The following PCDHGB3 variants were observed in gnomAD, a reference collection of about 807,000 sequenced individuals.
PCDHGB3 encodes the protein protocadherin gamma subfamily B, 3.
In PCDHGB3, 40 loss-of-function variants were observed where a neutral mutation model predicts 59.2. The observed-to-expected ratio is 0.68, with a 90% CI of 0.52 to 0.88. PCDHGB3 has a LOEUF of 0.88. PCDHGB3 is among the 40% of genes least tolerant of loss of function. The probability of loss-of-function intolerance (pLI) is 0.00; values close to 1 mark genes in which losing one functional copy is unlikely to be tolerated. For missense variants in PCDHGB3, 1,309 were observed against 1,187.9 expected (o/e 1.10, Z -1.50); for synonymous variants, 581 against 503.6 (o/e 1.15, Z -2.06).
chr5:141,415,602 A>G (rs1208876851), intron 1 of PCDHGB3: 2 of 1,613,602 alleles, frequency 1.2e-6, no homozygotes, highest in African/African-American at 2.7e-5. Flanking sequence ...AGGATACCCC[A>G]TTGGTTCCAG....
rs1419985074 is a variant in PCDHGB3, at chr5:141,431,009, T to C, written c.2415+58200T>C. On this transcript the variant is annotated intron_variant, in intron 1 of 3. Transcript: ENST00000576222. The surrounding 1 kb of genome is among the most constrained non-coding windows in gnomAD (Gnocchi z 4.8). ...CGCCCTGAATCCGCGCAGCGGCAGC[T>C]TGGTCACGGCGGGCAGGATAGACCG... The C allele has an allele frequency of 3.7e-6, 6 of 1,613,884 alleles. No individual in the cohort carries two copies. Among genetic ancestry groups the C allele is most frequent in the Non-Finnish European group, 5.1e-6 (6 of 1,179,984 alleles).
intron 1 of PCDHGB3, among the ~76,000 whole-genome samples, chr5:141,464,397 C>T (rs1352852782): frequency 1.3e-5 from 2 of 150,158 alleles, no homozygotes; most frequent in Non-Finnish European, 3.0e-5. Context: ...TAATGAAGAA[C>T]CTGAGATATA....
In PCDHGB3 at chr5:141,370,260, C is replaced by T. The variant is rs2149959480; in HGVS notation, c.-135C>T. On this transcript the variant is annotated 5_prime_UTR_variant, in exon 1 of 4. Transcript: ENST00000576222. Reference sequence around the variant, plus strand: ...GAAAAGTGCACTCTCTATCAGGCTTCCTGCAGCGGAGACACCCATTAGAGA... The same window carrying T: ...GAAAAGTGCACTCTCTATCAGGCTTTCTGCAGCGGAGACACCCATTAGAGA... 1.4e-6 allele frequency: 1 copy of T among 735,774 alleles called. No homozygotes were observed. Among genetic ancestry groups the T allele is most frequent in the Non-Finnish European group, 2.1e-6 (1 of 468,510 alleles). The allele number at this position is 735,774 out of a possible 1,614,324, so 45.6% of individuals were successfully genotyped here.
Position 141,431,297 on chromosome 5 carries a change from C to G in PCDHGB3, c.2415+58488C>G. Reference sequence around the variant, plus strand: ...GCTCAGCCCGAACACTCACTTCTCCCTCATCGTGCAAAATGGAGCCGACGG... The same window carrying G: ...GCTCAGCCCGAACACTCACTTCTCCGTCATCGTGCAAAATGGAGCCGACGG... On this transcript the variant is annotated intron_variant, in intron 1 of 3. Transcript: ENST00000576222. The surrounding 1 kb of genome is among the most constrained non-coding windows in gnomAD (Gnocchi z 4.8). The G allele has an allele frequency of 6.2e-7, 1 of 1,614,126 alleles. No individual in the cohort carries two copies. The highest frequency in any genetic ancestry group is 8.5e-7 in the Non-Finnish European group (1 of 1,180,036).
chr5:141,374,196 A>T, intron 1 of PCDHGB3: 1 of 1,613,838 alleles, frequency 6.2e-7, no homozygotes, highest in Non-Finnish European at 8.5e-7. Flanking sequence ...ATTCCCGAGG[A>T]GCTGGAGAAA....
At chr5:141,393,167 G>C (rs889451396) in intron 1 of PCDHGB3, 17 of 1,613,166 alleles carry the variant, frequency 1.1e-5, no homozygotes, top group East Asian at 2.2e-5. Context: ...AACTCTTTGG[G>C]GTAGAAATAG....
chr5:141,409,238 G>A (rs2095245468), intron 1 of PCDHGB3: 1 of 1,614,002 alleles, frequency 6.2e-7, no homozygotes, highest in Non-Finnish European at 8.5e-7. Flanking sequence ...CAACAGCCCA[G>A]AAATAATCAT....
chr5:141,429,426 G>C (rs992784469), intron 1 of PCDHGB3, among the ~76,000 whole-genome samples: 3 of 151,724 alleles, frequency 2.0e-5, no homozygotes, highest in African/African-American at 4.8e-5. Context: ...TGTTGCCCAG[G>C]CTGGACTCAA....
intron 1 of PCDHGB3, among the ~76,000 whole-genome samples, chr5:141,480,290 C>T (rs1053173416): frequency 2.2e-5 from 3 of 134,088 alleles, no homozygotes; most frequent in Non-Finnish European, 4.7e-5. Flanking sequence ...TGGCATGCAC[C>T]TGTGGTACCA....
chr5:141,375,952 G>A (rs1032808913), intron 1 of PCDHGB3: 2 of 1,613,396 alleles, frequency 1.2e-6, no homozygotes, highest in Non-Finnish European at 1.7e-6. Context: ...GCCTGCACAC[G>A]GGCGAGGTGC....
intron 1 of PCDHGB3, chr5:141,429,110 T>A (rs2097186231): frequency 6.6e-6 from 1 of 151,978 alleles, no homozygotes; most frequent in Non-Finnish European, 1.5e-5. Context: ...CGCCTCGGCC[T>A]CCCAAAGTGC....
rs1173375966 is a variant in PCDHGB3, at chr5:141,511,162, GAGA to G, written c.2785_2787del (p.Lys929del). 16 of 1,614,044 alleles carry G rather than the reference GAGA, an allele frequency of 9.9e-6. No individual in the cohort carries two copies. The highest frequency in any genetic ancestry group is 5.5e-5 in the South Asian group (5 of 91,078). On this transcript the variant is annotated inframe_deletion, in exon 4 of 4. Transcript: ENST00000576222. The stretch of plus-strand genomic sequence containing the variant: ...CAACAAGAAGAAGTCGGGCAAGAAG[GAGA>G]AGAAGTAACATGGAGGCCAGGCCAA...
At chr5:141,467,110 T>C (rs2099137137) in intron 1 of PCDHGB3, among the ~76,000 whole-genome samples, 1 of 151,604 alleles carries the variant, frequency 6.6e-6, no homozygotes, top group Non-Finnish European at 1.5e-5. Context: ...TGGAGTACAA[T>C]GGTGCAATCT....
In PCDHGB3 at chr5:141,432,373, G is replaced by T; in HGVS notation, c.2415+59564G>T. ...TGAAAGTGATGGCGCGGGACAACGG[G>T]CACCCGCCCCTCAGCAGCAACGTGT... is the stretch of plus-strand genomic sequence containing the variant. On this transcript the variant is annotated intron_variant, in intron 1 of 3. Coordinates refer to ENST00000576222, the MANE Select transcript of PCDHGB3 (RefSeq NM_018924.5). This position sits in a 1 kb window ranked among gnomAD's most constrained non-coding sequence, Gnocchi z 6.0. The T allele has an allele frequency of 6.2e-7, 1 of 1,614,206 alleles. No homozygotes were observed. The highest frequency in any genetic ancestry group is 1.1e-5 in the South Asian group (1 of 91,082).
Position 141,511,409 on chromosome 5 carries a change from G to C in PCDHGB3, c.*236G>C, listed in dbSNP as rs999907393. On this transcript the variant is annotated 3_prime_UTR_variant, in exon 4 of 4. Coordinates refer to ENST00000576222, the MANE Select transcript of PCDHGB3 (RefSeq NM_018924.5). Reference sequence around the variant, plus strand: ...GGGAACCCCCATCCAATCAACTGCTGTACCCATGGGGGTAGTGGGGTTACT... The same window carrying C: ...GGGAACCCCCATCCAATCAACTGCTCTACCCATGGGGGTAGTGGGGTTACT... The C allele has an allele frequency of 1.1e-6, 1 of 908,516 alleles. No homozygotes were observed. The highest frequency in any genetic ancestry group is 1.7e-5 in the African/African-American group (1 of 59,504). The allele number at this position is 908,516 out of a possible 1,614,324, so 56.3% of individuals were successfully genotyped here.
Position 141,511,151 on chromosome 5 carries a change from C to T in PCDHGB3, c.2768C>T (p.Ser923Leu), listed in dbSNP as rs202071188. The T allele has an allele frequency of 3.0e-5, 49 of 1,614,152 alleles. No individual in the cohort carries two copies. The highest frequency in any genetic ancestry group is 2.6e-4 in the South Asian group (24 of 91,066). The change falls in exon 4 of 4, where the codon TCG becomes TTG. Residue 923 changes from serine (S) to leucine (L), a missense_variant. Ser to Leu is a moderately radical substitution (Grantham distance 145, BLOSUM62 -2). Coordinates refer to ENST00000576222, the MANE Select transcript of PCDHGB3 (RefSeq NM_018924.5). ...GGTGGCAATGGCAACAAGAAGAAGT[C>T]GGGCAAGAAGGAGAAGAAGTAACAT... ...PAGGNGNKKK[S>L]GKKEKK
intron 1 of PCDHGB3, chr5:141,417,503 T>G (rs1171198405): frequency 8.7e-6 from 2 of 229,844 alleles, no homozygotes; most frequent in East Asian, 1.9e-4. Context: ...GGAAAAAGAT[T>G]AAAATATTTT....
chr5:141,388,992 C>T (rs1310959225), intron 1 of PCDHGB3: 3 of 1,613,834 alleles, frequency 1.9e-6, no homozygotes, highest in African/African-American at 1.3e-5. Flanking sequence ...GCTCAAAGTC[C>T]GTGACAAGGA....
intron 1 of PCDHGB3, among the ~76,000 whole-genome samples, chr5:141,467,421 G>T (rs957302311): frequency 6.6e-6 from 1 of 152,100 alleles, no homozygotes; most frequent in African/African-American, 2.4e-5. Flanking sequence ...CCACACCTAG[G>T]TTATAGAAAC....
Sources: gnomAD v4.1 joint callset for allele counts (sites outside exome capture counted in the v4.1 genomes callset) on GRCh38, gnomAD v4.1.1 for gene constraint, Gnocchi (gnomAD v3.1) non-coding constraint, MANE v1.5 for transcripts, NCBI Gene and HGNC (gene_info 2026-07-23, HGNC 2026-07-21) for gene names.